Variants in PDE8B observed in about 807,000 individuals in gnomAD.
PDE8B encodes the protein high affinity cAMP-specific and IBMX-insensitive 3',5'-cyclic phosphodiesterase 8B.
A neutral mutation model predicts 101.3 loss-of-function variants in PDE8B; 26 were observed. The observed-to-expected ratio is 0.26, with a 90% confidence interval of 0.19 to 0.36. PDE8B has a LOEUF of 0.36. Ranked by LOEUF, PDE8B falls within the 10% of genes least tolerant of loss-of-function variation. PDE8B has a pLI of 1.00. For missense variants in PDE8B, 810 were observed against 1,163.1 expected (o/e 0.70, Z 4.42); for synonymous variants, 424 against 429.3 (o/e 0.99, Z 0.15).
chr5:77,334,964 T>C (rs6887019), intron 5 of PDE8B, among the ~76,000 whole-genome samples: 71,841 of 152,050 alleles, frequency 0.47, 17,399 homozygotes, highest in Middle Eastern at 0.55. Flanking sequence ...CAACATTGCA[T>C]ATTAGCATTT....
At chr5:77,289,886 C>T (rs1303301950) in intron 1 of PDE8B, among the ~76,000 whole-genome samples, 2 of 152,180 alleles carry the variant, frequency 1.3e-5, no homozygotes, top group African/African-American at 2.4e-5. Flanking sequence ...TTCTGGACTA[C>T]ATTTTGTTTC....
rs539117230 is a variant in PDE8B at position 77,306,851 on chromosome 5, T to C, written c.340-5143T>C. 2.6e-5 allele frequency among the ~76,000 whole-genome samples: 4 copies of C among 152,344 alleles called. 1 individual carries two copies. The South Asian group carries it at 8.3e-4, about 32-fold the overall frequency. ...TTGTATCGTGGAGTTCCCTTTCTAT[T>C]GAAGTGAAGCCAAGCTGAGTTTTTT... On this transcript the variant is annotated intron_variant, in intron 1 of 21. Transcript: ENST00000264917.
the PDE8B span, among the ~76,000 whole-genome samples, chr5:77,172,432 G>A: frequency 1.3e-5 from 2 of 152,320 alleles, no homozygotes; most frequent in East Asian, 3.9e-4. Flanking sequence ...CAATGACGGT[G>A]TTTGTTAATT....
rs1312091456 is a variant in PDE8B at position 77,419,747 on chromosome 5, T to TTGTC, written c.2130-18_2130-15dup. 7.4e-6 allele frequency: 12 copies of TTGTC among 1,613,208 alleles called. No individual in the cohort carries two copies. Among genetic ancestry groups the TTGTC allele is most frequent in the African/African-American group, 1.3e-5 (1 of 74,912 alleles). ...TGAGACACGCTGTGAACAAGCCCCT[T>TTGTC]TGTCTTGTGGTTATTTTAGGAACCA... On this transcript the variant is annotated intron_variant, in intron 18 of 21. Coordinates refer to ENST00000264917, the MANE Select transcript of PDE8B (RefSeq NM_003719.5).
chr5:77,412,468 C>T (rs527438740), intron 16 of PDE8B, among the ~76,000 whole-genome samples: 1 of 152,146 alleles, frequency 6.6e-6, no homozygotes, highest in South Asian at 2.1e-4. Context: ...ACAGCTCCCT[C>T]CTTTGTGCTA....
intron 1 of PDE8B, among the ~76,000 whole-genome samples, chr5:77,274,241 G>A (rs1763383719): frequency 6.6e-6 from 1 of 152,164 alleles, no homozygotes; most frequent in Non-Finnish European, 1.5e-5. Context: ...TCCCTATGAG[G>A]TAGGGAGGTA....
At chr5:77,179,060 A>G in the PDE8B span, among the ~76,000 whole-genome samples, 14,484 of 152,236 alleles carry the variant, frequency 0.095, 1,078 homozygotes, top group East Asian at 0.43. Flanking sequence ...GGAGGGGACA[A>G]CACAAGGGCA....
At chr5:77,144,937 TATTA>T in the PDE8B span, 11 of 152,276 alleles carry the variant, frequency 7.2e-5, no homozygotes, top group African/African-American at 2.2e-4. Context: ...CTTACATCTT[TATTA>T]ATTATTTAAT....
At chr5:77,314,261 AG>A (rs578156470) in intron 2 of PDE8B, among the ~76,000 whole-genome samples, 14 of 152,180 alleles carry the variant, frequency 9.2e-5, no homozygotes, top group Non-Finnish European at 1.9e-4. Context: ...GTCCTTATCC[AG>A]TACCACACTG....
chr5:77,342,141 A>C (rs1397238230), intron 6 of PDE8B, among the ~76,000 whole-genome samples: 1 of 152,202 alleles, frequency 6.6e-6, no homozygotes, highest in Non-Finnish European at 1.5e-5. Context: ...ATAGGTTACG[A>C]TTCATTTTTT....
intron 1 of PDE8B, among the ~76,000 whole-genome samples, chr5:77,223,340 C>T (rs1184210868): frequency 2.7e-5 from 4 of 148,630 alleles, no homozygotes; most frequent in Non-Finnish European, 5.9e-5. Flanking sequence ...CCCATTAACT[C>T]GTCATTTAGC....
the PDE8B span, among the ~76,000 whole-genome samples, chr5:77,200,946 A>T: frequency 6.6e-6 from 1 of 152,088 alleles, no homozygotes; most frequent in African/African-American, 2.4e-5. Context: ...CAAATGTCAA[A>T]CCCCAAGAAG....
intron 1 of PDE8B, among the ~76,000 whole-genome samples, chr5:77,241,390 A>G (rs1207080530): frequency 1.3e-5 from 2 of 152,252 alleles, no homozygotes; most frequent in Non-Finnish European, 1.5e-5. Flanking sequence ...ACATATTTCA[A>G]CAGATTTAAA....
At chr5:77,393,472 C>T (rs751581781) in intron 10 of PDE8B, among the ~76,000 whole-genome samples, 6 of 151,788 alleles carry the variant, frequency 4.0e-5, no homozygotes, top group African/African-American at 7.3e-5. Flanking sequence ...CCAGTTTCCC[C>T]ATTTCTACCA....
chr5:77,378,002 C>T (rs1191896360), intron 10 of PDE8B, among the ~76,000 whole-genome samples: 2 of 119,548 alleles, frequency 1.7e-5, no homozygotes, highest in Non-Finnish European at 3.3e-5. Flanking sequence ...CTCTCTCCCT[C>T]TCTCTCTACA....
At chr5:77,398,990 T>C (rs966993529) in intron 10 of PDE8B, among the ~76,000 whole-genome samples, 1 of 152,200 alleles carries the variant, frequency 6.6e-6, no homozygotes, top group Admixed American at 6.5e-5. Context: ...TTCCTCGGAA[T>C]GAAACATCTA....
At chr5:77,286,679 A>G (rs975972210) in intron 1 of PDE8B, among the ~76,000 whole-genome samples, 2 of 152,206 alleles carry the variant, frequency 1.3e-5, no homozygotes, top group African/African-American at 2.4e-5. Context: ...ACCCCAGTTC[A>G]TTGACATTAA....
chr5:77,419,688 A>AGT, intron 18 of PDE8B, 79 bp from the exon 19 acceptor site: 1 of 1,520,266 alleles, frequency 6.6e-7, no homozygotes, highest in Non-Finnish European at 9.1e-7. Context: ...GGTTGTGAGG[A>AGT]GTGTAGTGAA....
chr5:77,173,364 T>A, the PDE8B span, among the ~76,000 whole-genome samples: 1 of 152,244 alleles, frequency 6.6e-6, no homozygotes, highest in Non-Finnish European at 1.5e-5. Context: ...AAGTTACTGA[T>A]CTGCATGGTC....
Sources: allele counts gnomAD v4.1 joint callset (sites outside exome capture counted in the v4.1 genomes callset), GRCh38; gene constraint gnomAD v4.1.1; transcripts MANE v1.5; gene names NCBI Gene and HGNC (gene_info 2026-07-23, HGNC 2026-07-21).